The following SPIN1 variants were observed in gnomAD, a reference collection of about 807,000 sequenced individuals.
SPIN1 encodes spindlin-1.
A neutral mutation model predicts 26.0 loss-of-function variants in SPIN1; 3 were observed. That is an observed-to-expected ratio of 0.12 (90% CI 0.05 to 0.30). The LOEUF is 0.30. Ranked by LOEUF, SPIN1 falls within the 10% of genes least tolerant of loss-of-function variation. SPIN1 has a pLI of 1.00. For missense variants in SPIN1, 126 were observed against 333.4 expected (o/e 0.38, Z 4.84); for synonymous variants, 101 against 116.5 (o/e 0.87, Z 0.86).
chr9:88,446,091 T>A (rs906940059), intron 2 of SPIN1, among the ~76,000 whole-genome samples: 3 of 152,212 alleles, frequency 2.0e-5, no homozygotes, highest in African/African-American at 7.2e-5. Flanking sequence ...GTTGTATAAT[T>A]AAGTATAATT....
chr9:88,432,455 T>A (rs986767951), intron 2 of SPIN1, among the ~76,000 whole-genome samples: 1 of 150,074 alleles, frequency 6.7e-6, no homozygotes, highest in African/African-American at 2.5e-5. Flanking sequence ...CCCAAAGTGC[T>A]GGGATTACAG....
intron 2 of SPIN1, among the ~76,000 whole-genome samples, chr9:88,445,299 C>G (rs900088443): frequency 2.6e-5 from 4 of 152,058 alleles, no homozygotes; most frequent in African/African-American, 4.8e-5. Flanking sequence ...CTCCTGCTTC[C>G]TGTCTGTGTC....
At chr9:88,454,607 A>G (rs534397410) in intron 3 of SPIN1, among the ~76,000 whole-genome samples, 88 of 152,260 alleles carry the variant, frequency 5.8e-4, no homozygotes, top group Non-Finnish European at 9.7e-4. Context: ...TTAAATATAC[A>G]TAAAAATATA....
intron 1 of SPIN1, among the ~76,000 whole-genome samples, chr9:88,396,729 A>G (rs987942016): frequency 6.6e-6 from 1 of 152,108 alleles, no homozygotes. Flanking sequence ...AATGGGATAC[A>G]TTCAGAGAAC....
chr9:88,474,284 CTCTT>C (rs1828847330), intron 5 of SPIN1, among the ~76,000 whole-genome samples: 1 of 152,126 alleles, frequency 6.6e-6, no homozygotes, highest in Non-Finnish European at 1.5e-5. Context: ...CAAACCCCCT[CTCTT>C]TTTTTTCTTT....
chr9:88,447,536 G>A (rs559808659), intron 2 of SPIN1, among the ~76,000 whole-genome samples: 21 of 152,194 alleles, frequency 1.4e-4, no homozygotes, highest in Non-Finnish European at 2.9e-4. Context: ...TCCTAGTTAG[G>A]GCCATCTTTT....
chr9:88,401,736 A>G (rs1213149160), intron 1 of SPIN1, among the ~76,000 whole-genome samples: 1 of 152,238 alleles, frequency 6.6e-6, no homozygotes, highest in Non-Finnish European at 1.5e-5. Flanking sequence ...GCCAAGGGCC[A>G]ACTATATTAC....
chr9:88,470,385 A>G (rs1210199232), intron 5 of SPIN1, among the ~76,000 whole-genome samples: 1 of 152,150 alleles, frequency 6.6e-6, no homozygotes, highest in African/African-American at 2.4e-5. Flanking sequence ...GTTTGGGGGA[A>G]CTGCCAGGCT....
At chr9:88,460,520 T>C (rs1362152215) in intron 3 of SPIN1, among the ~76,000 whole-genome samples, 2 of 152,160 alleles carry the variant, frequency 1.3e-5, no homozygotes, top group Non-Finnish European at 2.9e-5. Context: ...AATTGGTTTA[T>C]GCTATTTTGA....
chr9:88,438,337 T>G (rs1226888107), intron 2 of SPIN1, among the ~76,000 whole-genome samples: 1 of 152,162 alleles, frequency 6.6e-6, no homozygotes, highest in African/African-American at 2.4e-5. Context: ...TTGTTCAATC[T>G]CCATGTATTT....
Position 88,477,746 on chromosome 9 carries a change from A to G in SPIN1, c.*2469A>G, listed in dbSNP as rs1255905894. 1 of 152,704 alleles carries G rather than the reference A, an allele frequency of 6.5e-6. No homozygotes were observed. Among genetic ancestry groups the G allele is most frequent in the South Asian group, 2.1e-4 (1 of 4,822 alleles). 9.5% of individuals were successfully genotyped at this position (152,704 alleles called of 1,614,324 possible). On this transcript the variant is annotated 3_prime_UTR_variant, in exon 6 of 6. Transcript: ENST00000375859. Reference sequence around the variant, plus strand: ...TCCAGGAATTCAACATTAATTTCCAAAAGTATCATGGGACTTGTGACAATA... The same window carrying G: ...TCCAGGAATTCAACATTAATTTCCAGAAGTATCATGGGACTTGTGACAATA...
chr9:88,450,484 GTTA>G lies in SPIN1; in HGVS notation c.101+1500_101+1502del, dbSNP rs1435570507. ...TTAATAGGTTTGAGCTCTTGGGCAT[GTTA>G]TTATAATGCGTTTTGTGCAATAAGA... On this transcript the variant is annotated intron_variant, in intron 3 of 5. Transcript: ENST00000375859. Among the ~76,000 whole-genome samples the G allele has an allele frequency of 2.6e-5, 4 of 151,670 alleles. No homozygotes were observed. In the South Asian group the frequency reaches 6.2e-4, roughly 24 times the overall value.
At chr9:88,462,948 T>A (rs1215572803) in intron 4 of SPIN1, among the ~76,000 whole-genome samples, 199 bp downstream of exon 4, 1 of 152,160 alleles carries the variant, frequency 6.6e-6, no homozygotes, top group Admixed American at 6.5e-5. Flanking sequence ...TATAGAGATG[T>A]GTATTTTCCC....
At chr9:88,463,193 C>T (rs924555176) in intron 4 of SPIN1, among the ~76,000 whole-genome samples, 5 of 152,068 alleles carry the variant, frequency 3.3e-5, no homozygotes, top group Non-Finnish European at 7.4e-5. Context: ...ATTTAAACAA[C>T]CAAAACGTGG....
intron 1 of SPIN1, among the ~76,000 whole-genome samples, chr9:88,419,673 C>T (rs1352857066): frequency 6.6e-6 from 1 of 152,056 alleles, no homozygotes; most frequent in African/African-American, 2.4e-5. Context: ...AATAAAAGTT[C>T]AAAGAATAAC....
chr9:88,457,912 T>C (rs866990059), intron 3 of SPIN1: 3 of 984,984 alleles, frequency 3.0e-6, no homozygotes, highest in South Asian at 9.4e-5. Flanking sequence ...AAAATGAAAA[T>C]ACCAATTTGT....
chr9:88,397,682 T>C (rs1279251067), intron 1 of SPIN1, among the ~76,000 whole-genome samples: 2 of 151,614 alleles, frequency 1.3e-5, no homozygotes, highest in Admixed American at 6.6e-5. Flanking sequence ...AGTGCAGTGG[T>C]GCGGTCTCAG....
chr9:88,468,345 C>T, intron 4 of SPIN1, 27 bp from the exon 5 acceptor site: 4 of 1,318,618 alleles, frequency 3.0e-6, no homozygotes, highest in Non-Finnish European at 4.0e-6. Context: ...ACTTTGTCAA[C>T]TTTTTTTTTT....
chr9:88,458,421 A>T (rs1372021725), intron 3 of SPIN1, among the ~76,000 whole-genome samples: 1 of 152,186 alleles, frequency 6.6e-6, no homozygotes, highest in Admixed American at 6.5e-5. Context: ...GCCAGATACA[A>T]GCCCCTTGTA....
Sources: allele counts gnomAD v4.1 joint callset (sites outside exome capture counted in the v4.1 genomes callset), GRCh38; gene constraint gnomAD v4.1.1; transcripts MANE v1.5; gene names NCBI Gene and HGNC (gene_info 2026-07-23, HGNC 2026-07-21).